Variants in MARCHF1 observed in about 807,000 individuals in gnomAD.
MARCHF1 encodes E3 ubiquitin-protein ligase MARCHF1.
Under a neutral mutation model 54.2 loss-of-function variants are expected in MARCHF1, and 40 were observed. The observed-to-expected ratio is 0.74, with a 90% CI of 0.57 to 0.96. The LOEUF (loss-of-function observed/expected upper bound fraction) is 0.96, where lower values mean the gene tolerates loss of function less well. Among genes scored for constraint, MARCHF1 ranks in the 40% least tolerant of loss-of-function variants. MARCHF1 has a pLI of 0.00. For synonymous variants in MARCHF1, 236 were observed against 236.3 expected, an observed-to-expected ratio of 1.00 and a Z score of 0.01; for missense variants, 586 against 656.5, an observed-to-expected ratio of 0.89 and a Z score of 1.17.
At chr4:163,880,422 T>C (rs1032450639) in intron 3 of MARCHF1, among the ~76,000 whole-genome samples, 34 of 150,934 alleles carry the variant, frequency 2.3e-4, no homozygotes, top group African/African-American at 7.7e-4. Flanking sequence ...TTAAAAGTAA[T>C]ATAAATATAA....
intron 1 of MARCHF1, among the ~76,000 whole-genome samples, chr4:164,317,056 A>T (rs1735019512): frequency 6.6e-6 from 1 of 152,186 alleles, no homozygotes; most frequent in Non-Finnish European, 1.5e-5. Flanking sequence ...ACTAATACAA[A>T]AAGTTATTCT....
At chr4:164,274,839 G>A (rs1159484339) in intron 1 of MARCHF1, among the ~76,000 whole-genome samples, 2 of 151,028 alleles carry the variant, frequency 1.3e-5, no homozygotes, top group Non-Finnish European at 3.0e-5. Context: ...ACTATGCCCT[G>A]CTAATTTTTT....
intron 3 of MARCHF1, among the ~76,000 whole-genome samples, chr4:163,899,608 A>G (rs1750893173): frequency 6.6e-6 from 1 of 152,052 alleles, no homozygotes; most frequent in South Asian, 2.1e-4. Flanking sequence ...AACTATCTAA[A>G]TGACGATGAC....
At chr4:164,142,730 A>G (rs1330043733) in intron 1 of MARCHF1, among the ~76,000 whole-genome samples, 2 of 152,250 alleles carry the variant, frequency 1.3e-5, no homozygotes, top group African/African-American at 2.4e-5. Context: ...GAAAAAACAC[A>G]GCAGAAAAAC....
chr4:164,151,983 T>C (rs1019252109), intron 1 of MARCHF1, among the ~76,000 whole-genome samples: 1 of 152,132 alleles, frequency 6.6e-6, no homozygotes, highest in African/African-American at 2.4e-5. Context: ...TCTAACCATA[T>C]CTATACACTC....
At chr4:164,209,425 A>G (rs1358105254) in intron 1 of MARCHF1, among the ~76,000 whole-genome samples, 2 of 152,178 alleles carry the variant, frequency 1.3e-5, no homozygotes, top group Non-Finnish European at 2.9e-5. Flanking sequence ...CACTGGCCAG[A>G]ACTTAGTCAT....
intron 3 of MARCHF1, among the ~76,000 whole-genome samples, chr4:163,960,267 A>G (rs1273689287): frequency 6.6e-6 from 1 of 152,064 alleles, no homozygotes; most frequent in Non-Finnish European, 1.5e-5. Context: ...AAGAGCTAAA[A>G]GCAGAACTAC....
Position 163,817,300 on chromosome 4 carries a change from T to C in MARCHF1, c.111+36721A>G, listed in dbSNP as rs192713089. ...ATGTGTTTGTGTGTATACATATACA[T>C]ACATACATATATATGTACATATACA... On this transcript the variant is annotated intron_variant, in intron 4 of 9. Coordinates refer to ENST00000514618, the MANE Select transcript of MARCHF1 (RefSeq NM_001394959.1). 6.6e-3 allele frequency among the ~76,000 whole-genome samples: 973 copies of C among 147,606 alleles called. 7 individuals are homozygous for C. The highest frequency in any genetic ancestry group is 0.023 in the African/African-American group (862 of 37,648).
intron 3 of MARCHF1, among the ~76,000 whole-genome samples, chr4:163,936,585 G>C (rs115665431): frequency 0.014 from 2,158 of 152,274 alleles, 66 homozygotes; most frequent in African/African-American, 0.048. Flanking sequence ...CTTCAAGCTT[G>C]TGGAGATTAG....
rs563914645 is a variant in MARCHF1, at chr4:164,090,552, CTCT to C, written c.-248+21033_-248+21035del. On this transcript the variant is annotated intron_variant, in intron 2 of 9. Coordinates refer to ENST00000514618, the MANE Select transcript of MARCHF1 (RefSeq NM_001394959.1). ...AAATATCACCTGTTATCTTCTGAAT[CTCT>C]TTTTATAGCTTCACAATAAAATATT... Among the ~76,000 whole-genome samples the C allele has an allele frequency of 1.2e-3, 183 of 152,112 alleles. 2 individuals are homozygous for C. The highest frequency in any genetic ancestry group is 3.1e-4 in the Non-Finnish European group (21 of 67,978).
At chr4:163,590,460 A>G (rs1740554682) in intron 7 of MARCHF1, among the ~76,000 whole-genome samples, 1 of 152,090 alleles carries the variant, frequency 6.6e-6, no homozygotes, top group Non-Finnish European at 1.5e-5. Flanking sequence ...AATTGTCAAC[A>G]GATACACAAA....
chr4:163,930,594 C>T (rs913080478), intron 3 of MARCHF1, among the ~76,000 whole-genome samples: 1 of 150,794 alleles, frequency 6.6e-6, no homozygotes, highest in African/African-American at 2.4e-5. Flanking sequence ...GTTTGTCTAT[C>T]CAATGCCTGT....
At chr4:163,533,182 G>T (rs150834643) in intron 9 of MARCHF1, among the ~76,000 whole-genome samples, 1 of 151,974 alleles carries the variant, frequency 6.6e-6, no homozygotes, top group African/African-American at 2.4e-5. Flanking sequence ...AAAAAGAAAT[G>T]AGCTATCAAG....
chr4:164,223,453 T>C (rs1323245839), intron 1 of MARCHF1, among the ~76,000 whole-genome samples: 1 of 151,972 alleles, frequency 6.6e-6, no homozygotes. Flanking sequence ...GAATAATGGG[T>C]GCAATAACAA....
chr4:163,800,358 C>T (rs762287457), intron 4 of MARCHF1, among the ~76,000 whole-genome samples: 8 of 151,814 alleles, frequency 5.3e-5, no homozygotes, highest in South Asian at 2.1e-4. Flanking sequence ...TTAATTATAA[C>T]GAGTATCTTC....
chr4:163,631,913 T>C (rs978348886), intron 5 of MARCHF1, among the ~76,000 whole-genome samples: 4 of 152,180 alleles, frequency 2.6e-5, no homozygotes, highest in African/African-American at 9.6e-5. Flanking sequence ...ATGTTAATTA[T>C]TGCAAATGGC....
chr4:163,588,017 T>C (rs1740465763), intron 7 of MARCHF1, among the ~76,000 whole-genome samples: 1 of 152,044 alleles, frequency 6.6e-6, no homozygotes, highest in Admixed American at 6.6e-5. Flanking sequence ...AAACCCAACA[T>C]TGCCAGAGAC....
chr4:164,228,519 ATTAAT>A (rs1732320034), intron 1 of MARCHF1, among the ~76,000 whole-genome samples: 1 of 152,214 alleles, frequency 6.6e-6, no homozygotes, highest in Admixed American at 6.5e-5. Flanking sequence ...CAGCATAAGA[ATTAAT>A]GATGGTCAAA....
At chr4:164,003,634 A>G (rs1753228330) in intron 2 of MARCHF1, among the ~76,000 whole-genome samples, 1 of 152,088 alleles carries the variant, frequency 6.6e-6, no homozygotes, top group African/African-American at 2.4e-5. Flanking sequence ...AAGTCAAGAA[A>G]CAATGAATGC....
Sources: allele counts gnomAD v4.1 joint callset (sites outside exome capture counted in the v4.1 genomes callset), GRCh38; gene constraint gnomAD v4.1.1; transcripts MANE v1.5; gene names NCBI Gene and HGNC (gene_info 2026-07-23, HGNC 2026-07-21).